CHD7: variants seen among roughly 807,000 people sequenced by gnomAD.
CHD7 encodes ATP-dependent chromatin remodeler CHD7.
Under a neutral mutation model 307.3 loss-of-function variants are expected in CHD7, and 24 were observed. That is an observed-to-expected ratio of 0.08 (90% CI 0.06 to 0.11). CHD7 has a LOEUF of 0.11. Ranked by LOEUF, CHD7 falls within the 10% of genes least tolerant of loss-of-function variation. CHD7 has a pLI of 1.00. For missense variants in CHD7, 3,106 were observed against 3,727.1 expected (o/e 0.83, Z 4.34); for synonymous variants, 1,363 against 1,349.9 (o/e 1.01, Z -0.21).
intron 1 of CHD7, among the ~76,000 whole-genome samples, chr8:60,715,781 CA>C (rs1943409027): frequency 6.7e-6 from 1 of 149,118 alleles, no homozygotes; most frequent in Non-Finnish European, 1.5e-5. Context: ...CAAAACAAAA[CA>C]AAACGTCAAG....
intron 1 of CHD7, among the ~76,000 whole-genome samples, chr8:60,725,870 G>A (rs970951528): frequency 1.3e-5 from 2 of 152,168 alleles, no homozygotes; most frequent in African/African-American, 4.8e-5. Context: ...TACCTGAGCC[G>A]TTTTCCTGGA....
chr8:60,686,737 CT>C (rs1223649900), intron 1 of CHD7, among the ~76,000 whole-genome samples: 2 of 151,294 alleles, frequency 1.3e-5, no homozygotes, highest in Non-Finnish European at 3.0e-5. Flanking sequence ...GACACATCAC[CT>C]CCTTTCCCTA....
Position 60,698,376 on chromosome 8 carries a change from ATCC to A in CHD7, c.-175+19301_-175+19303del, listed in dbSNP as rs774897609. ...GGACCAATTATAATGATGTCAGAGA[ATCC>A]TCCTCCACCAGCCATAGGAAAGAAT... On this transcript the variant is annotated intron_variant, in intron 1 of 37. Coordinates refer to ENST00000423902, the MANE Select transcript of CHD7 (RefSeq NM_017780.4). 3.9e-5 allele frequency among the ~76,000 whole-genome samples: 6 copies of A among 152,282 alleles called. No homozygotes were observed. The East Asian group carries it at 5.8e-4, about 15-fold the overall frequency.
intron 1 of CHD7, among the ~76,000 whole-genome samples, chr8:60,733,932 A>G (rs1465038796): frequency 1.3e-5 from 2 of 152,226 alleles, no homozygotes; most frequent in African/African-American, 2.4e-5. Context: ...TGACTTGCAC[A>G]AATGATTGGC....
chr8:60,694,173 C>A (rs896574075), intron 1 of CHD7, among the ~76,000 whole-genome samples: 3 of 152,204 alleles, frequency 2.0e-5, no homozygotes, highest in Admixed American at 6.5e-5. Context: ...ATAACAGAAT[C>A]TTTTTGGCTT....
intron 7 of CHD7, among the ~76,000 whole-genome samples, chr8:60,812,361 C>A (rs1039509727): frequency 7.9e-5 from 12 of 152,062 alleles, no homozygotes; most frequent in Admixed American, 7.2e-4. Flanking sequence ...GTTCTAGCAC[C>A]ATTATTAAAG....
At chr8:60,828,050 A>C (rs1329208319) in intron 13 of CHD7, among the ~76,000 whole-genome samples, 1 of 152,160 alleles carries the variant, frequency 6.6e-6, no homozygotes, top group Non-Finnish European at 1.5e-5. Context: ...GAGTTCGTAA[A>C]CAGGAAGAAT....
intron 3 of CHD7, among the ~76,000 whole-genome samples, chr8:60,787,319 G>T (rs564153468): frequency 1.3e-5 from 2 of 152,106 alleles, no homozygotes; most frequent in African/African-American, 2.4e-5. Context: ...TGAATCTAGG[G>T]AGGGGGTTCT....
At chr8:60,735,299 G>A (rs773907862) in intron 1 of CHD7, among the ~76,000 whole-genome samples, 8 of 152,208 alleles carry the variant, frequency 5.3e-5, no homozygotes, top group African/African-American at 4.8e-5. Flanking sequence ...AAGGCGTAGC[G>A]TTGCCCTATA....
At chr8:60,679,917 T>A (rs1445907711) in intron 1 of CHD7, 2 of 150,712 alleles carry the variant, frequency 1.3e-5, no homozygotes, top group South Asian at 2.1e-4. Context: ...GAGCCCGGAG[T>A]TGGGGGCTCC....
At chr8:60,806,415 G>A (rs1812539486) in intron 6 of CHD7, among the ~76,000 whole-genome samples, 1 of 152,128 alleles carries the variant, frequency 6.6e-6, no homozygotes, top group African/African-American at 2.4e-5. Flanking sequence ...GAAAAAGGTA[G>A]GGTGGGTCTT....
intron 1 of CHD7, among the ~76,000 whole-genome samples, chr8:60,684,600 G>C (rs1805790685): frequency 6.6e-6 from 1 of 152,184 alleles, no homozygotes; most frequent in African/African-American, 2.4e-5. Context: ...GATGGTAGAA[G>C]AAGGGGTGAG....
chr8:60,695,272 G>A (rs1806413078), intron 1 of CHD7, among the ~76,000 whole-genome samples: 1 of 152,152 alleles, frequency 6.6e-6, no homozygotes, highest in Non-Finnish European at 1.5e-5. Context: ...TACAGTTCAA[G>A]AAAATAGGTA....
intron 17 of CHD7, 63 bp from the exon 18 acceptor site, chr8:60,837,605 T>G: frequency 7.4e-7 from 1 of 1,358,842 alleles, no homozygotes; most frequent in Non-Finnish European, 9.9e-7. Context: ...AGCATATGAA[T>G]TTGGTGGGGA....
At chr8:60,738,903 G>A (rs1808844031) in intron 1 of CHD7, among the ~76,000 whole-genome samples, 1 of 152,212 alleles carries the variant, frequency 6.6e-6, no homozygotes, top group Non-Finnish European at 1.5e-5. Context: ...GTAGGGAACA[G>A]GAAGAGGAGC....
In CHD7 at chr8:60,808,123, TC is replaced by T. The variant is rs1246439810; in HGVS notation, c.2443-92del. 3 of 852,474 alleles carry T rather than the reference TC, an allele frequency of 3.5e-6. No individual in the cohort carries two copies. In the African/African-American group the frequency reaches 5.1e-5, roughly 14 times the overall value. The allele number at this position is 852,474 out of a possible 1,614,324, so 52.8% of individuals were successfully genotyped here. A position where few individuals can be genotyped will look rare whatever the true frequency, so the allele number is the denominator to read the frequency against. Reference sequence around the variant, plus strand: ...GAAGGTCCTTTGCTGCTCTTTTCAGTCCTATTTTGTGCTCATATGGGAGTAA... The same window carrying T: ...GAAGGTCCTTTGCTGCTCTTTTCAGTCTATTTTGTGCTCATATGGGAGTAA... On this transcript the variant is annotated intron_variant, in intron 6 of 37. Transcript: ENST00000423902.
intron 1 of CHD7, among the ~76,000 whole-genome samples, chr8:60,699,769 C>T (rs1439355267): frequency 6.6e-6 from 1 of 152,140 alleles, no homozygotes; most frequent in Non-Finnish European, 1.5e-5. Context: ...TCTGCTCTCA[C>T]CTGCATAACA....
chr8:60,782,552 C>T (rs1811304320), intron 3 of CHD7, among the ~76,000 whole-genome samples: 1 of 152,198 alleles, frequency 6.6e-6, no homozygotes, highest in Non-Finnish European at 1.5e-5. Context: ...ATTTTGCCCT[C>T]AACACCTTTT....
chr8:60,689,196 G>A (rs1487905943), intron 1 of CHD7, among the ~76,000 whole-genome samples: 1 of 152,164 alleles, frequency 6.6e-6, no homozygotes, highest in African/African-American at 2.4e-5. Context: ...TAAATAACTG[G>A]TAACGTGTGG....
Sources: gnomAD v4.1 joint callset for allele counts (sites outside exome capture counted in the v4.1 genomes callset) on GRCh38, gnomAD v4.1.1 for gene constraint, MANE v1.5 for transcripts, NCBI Gene and HGNC (gene_info 2026-07-23, HGNC 2026-07-21) for gene names.